The following PCDHGB4 variants were observed in gnomAD, a reference collection of about 807,000 sequenced individuals.
PCDHGB4 encodes the protein protocadherin gamma subfamily B, 4, also known as protocadherin gamma-B4.
PCDHGB4 carries 38 observed loss-of-function variants against 60.5 expected under a neutral mutation model. The observed-to-expected ratio is 0.63, with a 90% CI of 0.48 to 0.82. The LOEUF (loss-of-function observed/expected upper bound fraction) is 0.82. Among genes scored for constraint, PCDHGB4 ranks in the 40% least tolerant of loss-of-function variants. The pLI, the probability that PCDHGB4 is intolerant of heterozygous loss-of-function variation, is 0.00. For missense variants in PCDHGB4, 1,109 were observed against 1,209.6 expected, an observed-to-expected ratio of 0.92 and a Z score of 1.23; for synonymous variants, 456 against 509.7, an observed-to-expected ratio of 0.89 and a Z score of 1.42.
chr5:141,478,148 C>T lies in PCDHGB4; in HGVS notation c.2398-16659C>T, dbSNP rs752958567. ...CTCTCCTGAAGCCCGAGCCGAGTTC[C>T]CCTCTGGCTCTGCCCCCCGGGAGCA... On this transcript the variant is annotated intron_variant, in intron 1 of 3. Coordinates refer to ENST00000519479, the MANE Select transcript of PCDHGB4 (RefSeq NM_003736.4). 3.1e-6 allele frequency: 5 copies of T among 1,613,948 alleles called. No homozygotes were observed. The highest frequency in any genetic ancestry group is 1.6e-4 in the Middle Eastern group (1 of 6,082).
Position 141,394,531 on chromosome 5 carries a change from C to T in PCDHGB4, c.2397+4250C>T, listed in dbSNP as rs1188248060. ...CCCGCCCTCCCCACAGACGGTTCCA[C>T]TGGCGTGGAGCTGGCGCCCCGCTCC... On this transcript the variant is annotated intron_variant, in intron 1 of 3. Transcript: ENST00000519479. 3 of 1,614,224 alleles carry T rather than the reference C, an allele frequency of 1.9e-6. No homozygotes were observed. In the South Asian group the frequency reaches 3.3e-5, roughly 18 times the overall value.
chr5:141,436,591 G>A (rs903125499), intron 1 of PCDHGB4, among the ~76,000 whole-genome samples: 8 of 152,154 alleles, frequency 5.3e-5, no homozygotes, highest in Non-Finnish European at 1.0e-4. Context: ...TTGAAAGGTC[G>A]TGGTGATGGC....
chr5:141,390,322 C>G, intron 1 of PCDHGB4, 41 bp downstream of exon 1: 1 of 1,606,310 alleles, frequency 6.2e-7, no homozygotes, highest in South Asian at 1.1e-5. Context: ...CATTGCCTAC[C>G]CATTTCTCCA....
chr5:141,512,275 A>G lies in PCDHGB4; in HGVS notation c.*1102A>G, dbSNP rs368275103. 1 of 152,730 alleles carries G rather than the reference A, an allele frequency of 6.5e-6. No individual in the cohort carries two copies. The highest frequency in any genetic ancestry group is 2.1e-4 in the South Asian group (1 of 4,824). The allele number at this position is 152,730 out of a possible 1,614,324, so 9.5% of individuals were successfully genotyped here. ...GGGTGCTGGGTACTCCAGAGGTGCC[A>G]CTGGTGGAAGGGTCAGCGGAGCCCC... On this transcript the variant is annotated 3_prime_UTR_variant, in exon 4 of 4. Transcript: ENST00000519479.
rs776374898 is a variant in PCDHGB4, at chr5:141,414,958, G to A, written c.2397+24677G>A. ...AGAGCCCGGCTACCTGGTGACCAAG[G>A]TGGTGGCGGTGGACAGAGACTCCGG... On this transcript the variant is annotated intron_variant, in intron 1 of 3. Coordinates refer to ENST00000519479, the MANE Select transcript of PCDHGB4 (RefSeq NM_003736.4). The A allele has an allele frequency of 3.7e-6, 6 of 1,614,024 alleles. No homozygotes were observed. The South Asian group carries it at 4.4e-5, about 12-fold the overall frequency.
chr5:141,433,232 C>T (rs1344380820), intron 1 of PCDHGB4: 1 of 1,516,488 alleles, frequency 6.6e-7, no homozygotes, highest in Admixed American at 1.9e-5. Flanking sequence ...ATTGCTCTGT[C>T]TCCCAAGCTG....
intron 1 of PCDHGB4, chr5:141,403,145 C>T (rs749236674): frequency 2.5e-6 from 4 of 1,613,920 alleles, no homozygotes; most frequent in African/African-American, 1.3e-5. Flanking sequence ...GCGCCGAGTC[C>T]GCATCGTCTC....
rs767337670 is a variant in PCDHGB4 at position 141,433,083 on chromosome 5, A to G, written c.2397+42802A>G. 8.1e-6 allele frequency: 13 copies of G among 1,614,174 alleles called. 1 individual carries two copies. Among genetic ancestry groups the G allele is most frequent in the Non-Finnish European group, 9.3e-6 (11 of 1,180,024 alleles). ...CACCTGATCTTCCCCCAGCCCAACT[A>G]TGCAGACATGCTCGTCAGCCAGGAG... On this transcript the variant is annotated intron_variant, in intron 1 of 3. Coordinates refer to ENST00000519479, the MANE Select transcript of PCDHGB4 (RefSeq NM_003736.4).
chr5:141,447,301 G>A (rs557269538), intron 1 of PCDHGB4, among the ~76,000 whole-genome samples: 39 of 152,060 alleles, frequency 2.6e-4, no homozygotes, highest in Non-Finnish European at 1.5e-4. Flanking sequence ...CACCACACCC[G>A]GCTAATTTTT....
chr5:141,476,562 C>A lies in PCDHGB4; in HGVS notation c.2398-18245C>A. On this transcript the variant is annotated intron_variant, in intron 1 of 3. Transcript: ENST00000519479. This position sits in a 1 kb window ranked among gnomAD's most constrained non-coding sequence, Gnocchi z 7.6. ...AAATTGGAGATTAGCGAGGCCGTGG[C>A]TCCGGGGACGCGCTTTCCGCTCGAG... 1 of 1,614,218 alleles carries A rather than the reference C, an allele frequency of 6.2e-7. No homozygotes were observed. The highest frequency in any genetic ancestry group is 8.5e-7 in the Non-Finnish European group (1 of 1,180,034).
chr5:141,485,421 C>G lies in PCDHGB4; in HGVS notation c.2398-9386C>G. The G allele has an allele frequency of 6.2e-7, 1 of 1,614,112 alleles. No individual in the cohort carries two copies. The highest frequency in any genetic ancestry group is 1.1e-5 in the South Asian group (1 of 91,080). ...TTCCGTGTGGATTTGGACAGCGGAG[C>G]CCTGCTCATCAAGAACCCAATCGAC... On this transcript the variant is annotated intron_variant, in intron 1 of 3. Transcript: ENST00000519479. This position sits in a 1 kb window ranked among gnomAD's most constrained non-coding sequence, Gnocchi z 5.7.
chr5:141,413,684 C>T, intron 1 of PCDHGB4: 1 of 1,613,838 alleles, frequency 6.2e-7, no homozygotes, highest in Non-Finnish European at 8.5e-7. Context: ...GGCGTGAACT[C>T]CCTGCAGAGC....
At chr5:141,500,469 AAAG>A (rs1479386829) in intron 2 of PCDHGB4, among the ~76,000 whole-genome samples, 1 of 152,052 alleles carries the variant, frequency 6.6e-6, no homozygotes, top group Non-Finnish European at 1.5e-5. Context: ...TCGGCCTCCC[AAAG>A]TGCTGGGATT....
At chr5:141,445,781 G>A (rs1424622281) in intron 1 of PCDHGB4, among the ~76,000 whole-genome samples, 25 of 152,112 alleles carry the variant, frequency 1.6e-4, no homozygotes, top group Admixed American at 1.6e-3. Flanking sequence ...AAAGGGCTAG[G>A]GAGGCTAGAA....
intron 1 of PCDHGB4, chr5:141,471,553 TG>T (rs1217142933): frequency 6.6e-6 from 1 of 152,224 alleles, no homozygotes; most frequent in African/African-American, 2.4e-5. Flanking sequence ...AAGGTTGCTT[TG>T]ACTCAGGGGT....
At chr5:141,464,251 C>G (rs1438610569) in intron 1 of PCDHGB4, among the ~76,000 whole-genome samples, 1 of 141,396 alleles carries the variant, frequency 7.1e-6, no homozygotes, top group African/African-American at 2.7e-5. Context: ...GGCTACAGAG[C>G]GAGACTCCGT....
intron 1 of PCDHGB4, chr5:141,409,468 C>A: frequency 2.5e-6 from 4 of 1,613,948 alleles, no homozygotes; most frequent in Non-Finnish European, 3.4e-6. Context: ...ATGTCACCAT[C>A]GTAGCCACTG....
At chr5:141,438,957 CACCCTGCCA>C (rs1022731551) in intron 1 of PCDHGB4, among the ~76,000 whole-genome samples, 2 of 152,144 alleles carry the variant, frequency 1.3e-5, no homozygotes, top group East Asian at 3.9e-4. Flanking sequence ...TGAGCCACCG[CACCCTGCCA>C]ACTGTCTGAC....
chr5:141,472,795 G>A (rs939788734), intron 1 of PCDHGB4, among the ~76,000 whole-genome samples: 1 of 151,794 alleles, frequency 6.6e-6, no homozygotes, highest in Non-Finnish European at 1.5e-5. Flanking sequence ...AGATCAGCCT[G>A]ACCAACATGG....
Sources: gnomAD v4.1 joint callset for allele counts (sites outside exome capture counted in the v4.1 genomes callset) on GRCh38, gnomAD v4.1.1 for gene constraint, Gnocchi (gnomAD v3.1) non-coding constraint, MANE v1.5 for transcripts, NCBI Gene and HGNC (gene_info 2026-07-23, HGNC 2026-07-21) for gene names.